Variants in SCAF8 observed in about 807,000 individuals in gnomAD.
SCAF8 encodes the protein SR-related and CTD-associated factor 8.
SCAF8 carries 23 observed loss-of-function variants against 140.5 expected under a neutral mutation model. The ratio of observed to expected loss-of-function variants is 0.16; its 90% CI spans 0.12 to 0.23. The LOEUF (loss-of-function observed/expected upper bound fraction) is 0.23. SCAF8 is among the 10% of genes least tolerant of loss of function. SCAF8 has a pLI of 1.00. For synonymous variants in SCAF8, 575 were observed against 528.9 expected (o/e 1.09, Z -1.20); for missense variants, 1,397 against 1,555.7 (o/e 0.90, Z 1.72).
intron 1 of SCAF8, among the ~76,000 whole-genome samples, chr6:154,755,596 A>G (rs62434254): frequency 0.049 from 7,407 of 152,184 alleles, 243 homozygotes; most frequent in Non-Finnish European, 0.075. Flanking sequence ...ATCATTTTGT[A>G]TTTCTAAAAA....
At chr6:154,761,234 C>CT (rs1012280164) in intron 1 of SCAF8, among the ~76,000 whole-genome samples, 80 of 152,192 alleles carry the variant, frequency 5.3e-4, no homozygotes, top group African/African-American at 1.9e-3. Context: ...TTTTGAAACA[C>CT]TTTGTTTGTT....
At chr6:154,826,412 A>C (rs1333560235) in intron 17 of SCAF8, among the ~76,000 whole-genome samples, 3 of 152,320 alleles carry the variant, frequency 2.0e-5, no homozygotes, top group Non-Finnish European at 2.9e-5. Context: ...TATGTGTATC[A>C]TGTAATTTAC....
At chr6:154,805,057 G>T (rs1777873103) in intron 8 of SCAF8, among the ~76,000 whole-genome samples, 1 of 152,062 alleles carries the variant, frequency 6.6e-6, no homozygotes, top group Non-Finnish European at 1.5e-5. Flanking sequence ...TAAATATTGA[G>T]ATTTTCTTAA....
At position 154,822,251 on chromosome 6, in the gene SCAF8, A is replaced by T. The variant is rs754893114; in HGVS notation, c.1793-25A>T. ...TGAAAAGTTGCACCTATCCAAAGGA[A>T]ATCAATTTCAACTATTTTGTTTAGA... On this transcript the variant is annotated intron_variant, in intron 15 of 19. Coordinates refer to ENST00000367178, the MANE Select transcript of SCAF8 (RefSeq NM_014892.5). 36 of 1,587,902 alleles carry T rather than the reference A, an allele frequency of 2.3e-5. No individual in the cohort carries two copies. In the East Asian group the frequency reaches 2.7e-4, roughly 12 times the overall value.
At chr6:154,770,388 A>ACACACTCTCTCTCT (rs1384942827) in intron 1 of SCAF8, among the ~76,000 whole-genome samples, 5 of 142,000 alleles carry the variant, frequency 3.5e-5, no homozygotes, top group African/African-American at 7.8e-5. Context: ...ACACACACAC[A>ACACACTCTCTCTCT]CTCTCTCTCT....
chr6:154,811,751 A>G (rs1463528375), intron 12 of SCAF8, among the ~76,000 whole-genome samples: 2 of 134,204 alleles, frequency 1.5e-5, no homozygotes, highest in East Asian at 4.3e-4. Flanking sequence ...AAGTGTTCTC[A>G]TTGTTCAATT....
chr6:154,826,609 C>T (rs1316091412), intron 17 of SCAF8, among the ~76,000 whole-genome samples: 3 of 152,058 alleles, frequency 2.0e-5, no homozygotes, highest in Admixed American at 2.0e-4. Context: ...AAGCCGAGTG[C>T]CATAGTGTGT....
chr6:154,737,508 C>T (rs1778454538), intron 1 of SCAF8, among the ~76,000 whole-genome samples: 1 of 152,054 alleles, frequency 6.6e-6, no homozygotes, highest in African/African-American at 2.4e-5. Context: ...AAACCCCCAT[C>T]TCTACAAAAC....
chr6:154,832,442 C>A lies in SCAF8; in HGVS notation c.2863C>A (p.Pro955Thr), dbSNP rs1321317328. The A allele has an allele frequency of 5.0e-6, 8 of 1,614,052 alleles. No individual in the cohort carries two copies. Among genetic ancestry groups the A allele is most frequent in the Non-Finnish European group, 6.8e-6 (8 of 1,180,020 alleles). ...GIPPQRGIPP[P>T]SVLDSALHPP... ...TCCACCCCAACGGGGAATCCCACCC[C>A]CATCGGTACTTGATTCAGCTCTTCA... The change falls in exon 20 of 20, where the codon CCA (proline) becomes ACA (threonine). Residue 955 changes from proline to threonine, a missense_variant. By Grantham distance (38) the Pro-to-Thr change is conservative. Around this residue, in one of 5 missense-constraint regions of SCAF8, gnomAD observed 930 missense variants for 874.6 expected, o/e 1.06. Transcript: ENST00000367178.
intron 1 of SCAF8, among the ~76,000 whole-genome samples, chr6:154,753,298 T>C (rs1013591105): frequency 1.3e-5 from 2 of 152,108 alleles, no homozygotes; most frequent in Non-Finnish European, 2.9e-5. Context: ...AAACCCCATC[T>C]CTACTAAAAA....
intron 18 of SCAF8, among the ~76,000 whole-genome samples, chr6:154,830,289 A>C (rs1033973868): frequency 2.6e-5 from 4 of 152,190 alleles, no homozygotes; most frequent in African/African-American, 9.7e-5. Context: ...TCCAAGTATG[A>C]TTTTACGGCA....
intron 18 of SCAF8, among the ~76,000 whole-genome samples, chr6:154,830,325 A>G (rs1216376453): frequency 6.6e-6 from 1 of 152,208 alleles, no homozygotes; most frequent in Non-Finnish European, 1.5e-5. Context: ...TGGGCTAAAA[A>G]TTTTAATTGT....
At chr6:154,773,471 TATGAATTTTAA>T (rs1049323874) in intron 1 of SCAF8, among the ~76,000 whole-genome samples, 2 of 152,352 alleles carry the variant, frequency 1.3e-5, no homozygotes, top group African/African-American at 4.8e-5. Context: ...TCTGCTTTTT[TATGAATTTTAA>T]ATGAATTTTA....
chr6:154,777,211 A>C (rs960701189), intron 2 of SCAF8, among the ~76,000 whole-genome samples: 20 of 152,064 alleles, frequency 1.3e-4, no homozygotes, highest in Non-Finnish European at 2.9e-5. Context: ...GTATAAAGAG[A>C]AGCACAATTC....
intron 2 of SCAF8, among the ~76,000 whole-genome samples, chr6:154,776,217 G>A (rs1323048889): frequency 1.3e-4 from 20 of 150,682 alleles, no homozygotes; most frequent in Non-Finnish European, 5.9e-5. Flanking sequence ...TTTTTTTTGT[G>A]ACATTGACAT....
intron 9 of SCAF8, 60 bp downstream of exon 9, chr6:154,805,546 A>C (rs1054989329): frequency 1.1e-6 from 1 of 909,788 alleles, no homozygotes; most frequent in Non-Finnish European, 1.6e-6. Flanking sequence ...ATAAATTGGC[A>C]TTTTTGTGGG....
intron 6 of SCAF8, among the ~76,000 whole-genome samples, chr6:154,798,842 C>T (rs564656586): frequency 4.0e-5 from 6 of 151,460 alleles, no homozygotes; most frequent in African/African-American, 1.4e-4. Context: ...CTTTGTCACT[C>T]AGACTGGAGT....
At chr6:154,810,357 A>T (rs1583056429) in intron 12 of SCAF8, 149 bp downstream of exon 12, 2 of 558,650 alleles carry the variant, frequency 3.6e-6, no homozygotes, top group East Asian at 3.2e-5. Flanking sequence ...TTGTAACATG[A>T]TAGAGAAGAG....
At chr6:154,829,232 AT>A (rs565160950) in intron 18 of SCAF8, among the ~76,000 whole-genome samples, 2,051 of 142,310 alleles carry the variant, frequency 0.014, 17 homozygotes, top group African/African-American at 0.037. Context: ...TTCATAAGTG[AT>A]TTTTTTTTTT....
Sources: gnomAD v4.1 joint callset for allele counts (sites outside exome capture counted in the v4.1 genomes callset) on GRCh38, gnomAD v4.1.1 for gene constraint, gnomAD v4.1.1 regional missense constraint, MANE v1.5 for transcripts, NCBI Gene and HGNC (gene_info 2026-07-23, HGNC 2026-07-21) for gene names.